MAGOHB: variants seen among roughly 807,000 people sequenced by gnomAD.
The protein encoded by MAGOHB is mago homolog B, exon junction complex subunit.
Under a neutral mutation model 20.9 loss-of-function variants are expected in MAGOHB, and 15 were observed. The observed-to-expected ratio is 0.72, with a 90% CI of 0.48 to 1.11. The LOEUF (loss-of-function observed/expected upper bound fraction) is 1.11, where lower values mean the gene tolerates loss of function less well. Among genes scored for constraint, MAGOHB ranks in the 50% least tolerant of loss-of-function variants. The pLI is 0.00. For missense variants in MAGOHB, 162 were observed against 177.6 expected, an observed-to-expected ratio of 0.91 and a Z score of 0.50; for synonymous variants, 50 against 57.9, an observed-to-expected ratio of 0.86 and a Z score of 0.62.
downstream of MAGOHB, among the ~76,000 whole-genome samples, chr12:10,599,887 CA>C (rs942384280): frequency 6.6e-6 from 1 of 151,926 alleles, no homozygotes; most frequent in Non-Finnish European, 1.5e-5. Context: ...ATATCATTAA[CA>C]AAAAACTAAC....
At chr12:10,612,919 T>TC in intron 1 of MAGOHB, 1 of 1,289,190 alleles carries the variant, frequency 7.8e-7, no homozygotes, top group Non-Finnish European at 1.0e-6. Flanking sequence ...AAGAAGATCT[T>TC]CCTGACTCCC....
downstream of MAGOHB, among the ~76,000 whole-genome samples, chr12:10,603,725 C>T (rs748184481): frequency 2.0e-5 from 3 of 152,178 alleles, no homozygotes; most frequent in Non-Finnish European, 4.4e-5. Flanking sequence ...GATCATCATA[C>T]GGAAGTCAGC....
intron 1 of MAGOHB, among the ~76,000 whole-genome samples, chr12:10,611,126 C>A (rs1865726650): frequency 6.6e-6 from 1 of 152,118 alleles, no homozygotes; most frequent in African/African-American, 2.4e-5. Flanking sequence ...AGTAACTTAA[C>A]CAGGGTCACA....
downstream of MAGOHB, among the ~76,000 whole-genome samples, chr12:10,603,256 G>T (rs1008528626): frequency 1.4e-5 from 2 of 146,226 alleles, no homozygotes; most frequent in East Asian, 4.1e-4. Context: ...GGAGCTTGCA[G>T]TGAGCCGAGA....
At chr12:10,606,649 AAAT>A (rs1330281165) in intron 4 of MAGOHB, among the ~76,000 whole-genome samples, 4 of 152,208 alleles carry the variant, frequency 2.6e-5, no homozygotes, top group Admixed American at 6.5e-5. Context: ...AAGCAGAAAA[AAAT>A]AATACTGTAA....
downstream of MAGOHB, chr12:10,604,147 G>A (rs1451150321): frequency 6.6e-6 from 1 of 152,188 alleles, no homozygotes; most frequent in Admixed American, 6.5e-5. Flanking sequence ...CTCATGAATG[G>A]GGAAGAGGTG....
chr12:10,609,880 G>A lies in MAGOHB; in HGVS notation c.215C>T (p.Thr72Ile), dbSNP rs1865692166. Residue 72 changes from threonine to isoleucine, a missense_variant, in exon 3 of 5, where the codon ACA becomes ATA. Thr to Ile is a moderately conservative substitution (Grantham distance 89). Transcript: ENST00000320756. ...AGGCCACAAAGCATCATCTTCTTTT[G>A]TAATTTCACTGTCATCAATAATTCT... ...LKRIIDDSEI[T>I]KEDDALWPPP... 2 of 1,613,092 alleles carry A rather than the reference G, an allele frequency of 1.2e-6. No homozygotes were observed. Among genetic ancestry groups the A allele is most frequent in the Middle Eastern group, 1.6e-4 (1 of 6,062 alleles).
intron 1 of MAGOHB, 42 bp from the exon 2 acceptor site, chr12:10,610,722 T>G: frequency 6.5e-7 from 1 of 1,540,292 alleles, no homozygotes; most frequent in Non-Finnish European, 8.7e-7. Flanking sequence ...TAGCAAAAAC[T>G]GCTAAAAAAA....
chr12:10,608,599 T>TAAAAAAAAA (rs200643667), intron 3 of MAGOHB: 2 of 119,162 alleles, frequency 1.7e-5, no homozygotes, highest in African/African-American at 6.1e-5. Context: ...TAAGAACTAG[T>TAAAAAAAAA]AAAAAAAAAA....
intron 4 of MAGOHB, 62 bp downstream of exon 4, chr12:10,607,792 A>C: frequency 1.1e-6 from 1 of 881,610 alleles, no homozygotes; most frequent in Non-Finnish European, 1.8e-6. Context: ...CAAACTGACT[A>C]TAGTTCTAAA....
downstream of MAGOHB, among the ~76,000 whole-genome samples, chr12:10,599,870 A>C (rs1309138128): frequency 6.6e-6 from 1 of 152,220 alleles, no homozygotes; most frequent in Non-Finnish European, 1.5e-5. Context: ...TGGAGAAAAT[A>C]AAACTAATAT....
chr12:10,606,298 G>A lies in MAGOHB; in HGVS notation c.424C>T (p.His142Tyr), dbSNP rs1183872654. ...KCLVFSLIGL[H>Y]FKIKPI The stretch of plus-strand genomic sequence containing the variant: ...ATTTAAATTGGTTTAATCTTGAAGT[G>A]TAATCCAATAAGACTGAAAACTAAA... The change falls in exon 5 of 5, where the codon CAC becomes TAC. Residue 142 changes from histidine to tyrosine, a missense_variant. His to Tyr is a moderately conservative substitution (Grantham distance 83, BLOSUM62 2). Coordinates refer to ENST00000320756, the MANE Select transcript of MAGOHB (RefSeq NM_018048.5). 1.3e-6 allele frequency: 2 copies of A among 1,549,484 alleles called. No homozygotes were observed. The highest frequency in any genetic ancestry group is 1.8e-6 in the Non-Finnish European group (2 of 1,136,400).
intron 1 of MAGOHB, 52 bp downstream of exon 1, chr12:10,613,387 T>C (rs1865787235): frequency 3.3e-6 from 5 of 1,527,020 alleles, no homozygotes; most frequent in Admixed American, 3.3e-5. Context: ...CCACCCGGCC[T>C]CTCGGTCTCG....
intron 4 of MAGOHB, among the ~76,000 whole-genome samples, chr12:10,607,242 A>T (rs1865645014): frequency 6.6e-6 from 1 of 152,172 alleles, no homozygotes. Flanking sequence ...GTTCTCAAGG[A>T]GCTTACATTC....
chr12:10,600,397 CT>C (rs879519874), downstream of MAGOHB, among the ~76,000 whole-genome samples: 423 of 143,562 alleles, frequency 2.9e-3, no homozygotes, highest in Middle Eastern at 0.018. Context: ...TTGGTCTGTA[CT>C]TTTTTTTTTT....
chr12:10,610,392 C>A (rs1865703182), intron 2 of MAGOHB, among the ~76,000 whole-genome samples: 1 of 152,070 alleles, frequency 6.6e-6, no homozygotes, highest in African/African-American at 2.4e-5. Flanking sequence ...ATCAATAAAT[C>A]AATAAATGCA....
chr12:10,600,118 C>T (rs1255064174), downstream of MAGOHB, among the ~76,000 whole-genome samples: 2 of 151,790 alleles, frequency 1.3e-5, no homozygotes, highest in Admixed American at 6.6e-5. Flanking sequence ...TTAAAAGATC[C>T]GTAATTCCTC....
rs975913005 is a variant in MAGOHB, at chr12:10,604,241, C to T, written c.*2034G>A. On this transcript the variant is annotated 3_prime_UTR_variant, in exon 5 of 5. Coordinates refer to ENST00000320756, the MANE Select transcript of MAGOHB (RefSeq NM_018048.5). ...AAGGAAGGAGGTAAAAGGAACATAA[C>T]CTGAGCGCAATAAAAATCTAGTTTC... 1 of 152,120 alleles carries T rather than the reference C, an allele frequency of 6.6e-6. No homozygotes were observed. The highest frequency in any genetic ancestry group is 2.4e-5 in the African/African-American group (1 of 41,418). The allele number at this position is 152,120 out of a possible 1,614,324, so 9.4% of individuals were successfully genotyped here.
rs774338035 is a variant in MAGOHB at position 10,613,538 on chromosome 12, T to G, written c.-6A>C. The G allele has an allele frequency of 1.9e-6, 3 of 1,609,222 alleles. No individual in the cohort carries two copies. Among genetic ancestry groups the G allele is most frequent in the Non-Finnish European group, 2.6e-6 (3 of 1,175,532 alleles). ...AAATCGCTAGCCACAGCCATTTTTGTACCCGGGAAGCCCGCCGAAAACGCA... is the reference window on the plus strand; with the variant it reads ...AAATCGCTAGCCACAGCCATTTTTGGACCCGGGAAGCCCGCCGAAAACGCA... On this transcript the variant is annotated 5_prime_UTR_variant, in exon 1 of 5. Transcript: ENST00000320756.
Sources: gnomAD v4.1 joint callset for allele counts (sites outside exome capture counted in the v4.1 genomes callset) on GRCh38, gnomAD v4.1.1 for gene constraint, MANE v1.5 for transcripts, NCBI Gene and HGNC (gene_info 2026-07-23, HGNC 2026-07-21) for gene names.